CNTNAP5: variants seen among roughly 807,000 people sequenced by gnomAD.
CNTNAP5 encodes the protein contactin-associated protein-like 5.
In CNTNAP5, 72 loss-of-function variants were observed where a neutral mutation model predicts 150.2. The observed-to-expected ratio is 0.48, with a 90% CI of 0.40 to 0.58. The LOEUF (loss-of-function observed/expected upper bound fraction) is 0.58, where lower values mean the gene tolerates loss of function less well. CNTNAP5 is among the 20% of genes least tolerant of loss of function. The pLI, the probability that CNTNAP5 is intolerant of heterozygous loss-of-function variation, is 0.00. For missense variants in CNTNAP5, 1,636 were observed against 1,626.2 expected (o/e 1.01, Z -0.10); for synonymous variants, 672 against 619.8 (o/e 1.08, Z -1.25).
In CNTNAP5 at chr2:124,423,652, C is replaced by CTTTTTTTTT. The variant is rs1187961580; in HGVS notation, c.529+6084_529+6092dup. On this transcript the variant is annotated intron_variant, in intron 4 of 23. Coordinates refer to ENST00000682447, the MANE Select transcript of CNTNAP5 (RefSeq NM_001367498.1). ...TGAGCCACTGCGCCCGGCTAATTAACTTTTTTTTTTTTTTTTTTTTTTTTT... is the reference window on the plus strand; with the variant it reads ...TGAGCCACTGCGCCCGGCTAATTAACTTTTTTTTTTTTTTTTTTTTTTTTTTTTTTTTTT... Among the ~76,000 whole-genome samples, 108 of 41,594 alleles carry CTTTTTTTTT rather than the reference C, an allele frequency of 2.6e-3. 24 individuals are homozygous for CTTTTTTTTT. Among genetic ancestry groups the CTTTTTTTTT allele is most frequent in the South Asian group, 7.7e-3 (4 of 518 alleles). The allele number at this position is 41,594 out of a possible 152,430, so 27.3% of individuals were successfully genotyped here. A position where few individuals can be genotyped will look rare whatever the true frequency, so the allele number is the denominator to read the frequency against.
chr2:124,314,663 A>G (rs1299555656), intron 3 of CNTNAP5, among the ~76,000 whole-genome samples: 3 of 152,206 alleles, frequency 2.0e-5, no homozygotes, highest in Non-Finnish European at 4.4e-5. Context: ...AATACAAAAT[A>G]TATGAAAAAG....
chr2:124,069,690 C>T (rs532148951), intron 1 of CNTNAP5, among the ~76,000 whole-genome samples: 2 of 152,096 alleles, frequency 1.3e-5, no homozygotes, highest in Non-Finnish European at 1.5e-5. Context: ...AGAACAAGAT[C>T]CTGTGCCTGA....
chr2:124,838,820 A>G (rs1682883975), intron 19 of CNTNAP5, among the ~76,000 whole-genome samples: 1 of 152,020 alleles, frequency 6.6e-6, no homozygotes, highest in Non-Finnish European at 1.5e-5. Context: ...CTCTATTCTT[A>G]CTTAAAACAC....
In CNTNAP5 at chr2:124,702,346, C is replaced by CTTTTTTTT. The variant is rs71412792; in HGVS notation, c.2078-44840_2078-44833dup. 6.1e-4 allele frequency among the ~76,000 whole-genome samples: 32 copies of CTTTTTTTT among 52,250 alleles called. 10 individuals are homozygous for CTTTTTTTT. The highest frequency in any genetic ancestry group is 2.9e-3 in the East Asian group (3 of 1,046). 34.3% of individuals were successfully genotyped at this position (52,250 alleles called of 152,430 possible). On this transcript the variant is annotated intron_variant, in intron 13 of 23. Transcript: ENST00000682447. The stretch of plus-strand genomic sequence containing the variant: ...ATGTCCTTCTGTGAAACTATGAACA[C>CTTTTTTTT]TTTTTTTTTTTTTTTTTTTTTTTTT...
chr2:124,115,661 T>TC (rs1273352847), intron 1 of CNTNAP5, among the ~76,000 whole-genome samples: 1 of 150,508 alleles, frequency 6.6e-6, no homozygotes, highest in Non-Finnish European at 1.5e-5. Context: ...TTTTTTTTTT[T>TC]TTTTTGAGAC....
At chr2:124,069,497 A>T (rs1262183101) in intron 1 of CNTNAP5, among the ~76,000 whole-genome samples, 1 of 152,124 alleles carries the variant, frequency 6.6e-6, no homozygotes, top group Non-Finnish European at 1.5e-5. Flanking sequence ...GAATAAACAT[A>T]GGTGGTAGCC....
intron 13 of CNTNAP5, among the ~76,000 whole-genome samples, chr2:124,693,115 C>A (rs974343785): frequency 1.3e-5 from 2 of 152,030 alleles, no homozygotes; most frequent in Non-Finnish European, 2.9e-5. Context: ...CACACAGATA[C>A]GGGTTCAAAT....
chr2:124,337,973 T>C (rs923518496), intron 3 of CNTNAP5, among the ~76,000 whole-genome samples: 1 of 152,198 alleles, frequency 6.6e-6, no homozygotes, highest in Non-Finnish European at 1.5e-5. Context: ...GCCATTTTCA[T>C]GATATTGATT....
chr2:124,504,699 C>G (rs1408013322), intron 8 of CNTNAP5, 143 bp downstream of exon 8: 1 of 628,710 alleles, frequency 1.6e-6, no homozygotes, highest in Non-Finnish European at 2.5e-6. Flanking sequence ...TCTGAAGAGG[C>G]AGCATTTTTT....
intron 13 of CNTNAP5, among the ~76,000 whole-genome samples, chr2:124,657,790 C>T (rs1678490500): frequency 6.6e-6 from 1 of 152,164 alleles, no homozygotes; most frequent in African/African-American, 2.4e-5. Flanking sequence ...CCTCTCAGAC[C>T]TGATACACTG....
At chr2:124,898,005 C>A (rs535959066) in intron 21 of CNTNAP5, among the ~76,000 whole-genome samples, 13 of 148,086 alleles carry the variant, frequency 8.8e-5, no homozygotes, top group Admixed American at 8.8e-4. Context: ...ATTTGACAAT[C>A]CTCTTTCAGG....
intron 1 of CNTNAP5, among the ~76,000 whole-genome samples, chr2:124,106,615 C>T (rs763221239): frequency 3.9e-5 from 6 of 152,156 alleles, no homozygotes; most frequent in Non-Finnish European, 7.3e-5. Flanking sequence ...CATTCTTTTC[C>T]GAATGCAGCT....
At chr2:124,443,319 G>T (rs1692723011) in intron 5 of CNTNAP5, among the ~76,000 whole-genome samples, 1 of 150,404 alleles carries the variant, frequency 6.6e-6, no homozygotes, top group African/African-American at 2.4e-5. Flanking sequence ...TTAGAGCATG[G>T]AATACTATGC....
intron 1 of CNTNAP5, among the ~76,000 whole-genome samples, chr2:124,137,163 G>A (rs1683992512): frequency 1.3e-5 from 2 of 152,066 alleles, no homozygotes; most frequent in African/African-American, 4.8e-5. Context: ...CCTAGAACAT[G>A]GTCTGACTGG....
chr2:124,420,901 C>G (rs1692087430), intron 4 of CNTNAP5, among the ~76,000 whole-genome samples: 2 of 152,168 alleles, frequency 1.3e-5, no homozygotes, highest in African/African-American at 4.8e-5. Context: ...CTGACTAATA[C>G]AGAATGTTCT....
intron 3 of CNTNAP5, among the ~76,000 whole-genome samples, chr2:124,250,712 C>A (rs991282261): frequency 6.6e-6 from 1 of 151,662 alleles, no homozygotes; most frequent in Admixed American, 6.6e-5. Flanking sequence ...GGTCAAATTT[C>A]GAGGCCCCAG....
intron 19 of CNTNAP5, among the ~76,000 whole-genome samples, chr2:124,803,112 C>CAAAA (rs762676238): frequency 0.095 from 9,707 of 102,052 alleles, 574 homozygotes; most frequent in Middle Eastern, 0.23. Context: ...AAGACTCCTT[C>CAAAA]AAAAAAAAAA....
At position 124,258,942 on chromosome 2, in the gene CNTNAP5, G is replaced by A. The variant is rs1687382941; in HGVS notation, c.381+16549G>A. Among the ~76,000 whole-genome samples, 2 of 151,666 alleles carry A rather than the reference G, an allele frequency of 1.3e-5. 1 individual carries two copies. The highest frequency in any genetic ancestry group is 2.9e-5 in the Non-Finnish European group (2 of 67,972). The stretch of plus-strand genomic sequence containing the variant: ...TACATATGTATACATGTACCATGTT[G>A]GTGTGCTGCTCCCATTAACTCCTCA... On this transcript the variant is annotated intron_variant, in intron 3 of 23. Transcript: ENST00000682447.
intron 3 of CNTNAP5, among the ~76,000 whole-genome samples, chr2:124,386,805 G>A (rs1428350623): frequency 2.7e-5 from 4 of 147,122 alleles, no homozygotes; most frequent in Non-Finnish European, 6.0e-5. Context: ...CTGCAATGGA[G>A]TGGATGTTTG....
Sources: gnomAD v4.1 joint callset for allele counts (sites outside exome capture counted in the v4.1 genomes callset) on GRCh38, gnomAD v4.1.1 for gene constraint, MANE v1.5 for transcripts, NCBI Gene and HGNC (gene_info 2026-07-23, HGNC 2026-07-21) for gene names.